FBXO42: variants seen among roughly 807,000 people sequenced by gnomAD.
FBXO42 encodes the protein F-box only protein 42.
A neutral mutation model predicts 71.7 loss-of-function variants in FBXO42; 12 were observed. The ratio of observed to expected loss-of-function variants is 0.17; its 90% CI spans 0.11 to 0.27. FBXO42 has a LOEUF of 0.27. Ranked by LOEUF, FBXO42 falls within the 10% of genes least tolerant of loss-of-function variation. The probability of loss-of-function intolerance (pLI) is 1.00; values close to 1 mark genes in which losing one functional copy is unlikely to be tolerated. For synonymous variants in FBXO42, 325 were observed against 327.5 expected, an observed-to-expected ratio of 0.99 and a Z score of 0.08; for missense variants, 707 against 911.9, an observed-to-expected ratio of 0.78 and a Z score of 2.89.
At chr1:16,253,558 G>T in intron 7 of FBXO42, 77 bp downstream of exon 7, 1 of 1,336,782 alleles carries the variant, frequency 7.5e-7, no homozygotes, top group Non-Finnish European at 1.1e-6. Flanking sequence ...CATCTTACCT[G>T]ACTCCCTCCT....
In FBXO42 at chr1:16,282,235, C is replaced by CT. The variant is rs887782366; in HGVS notation, c.502+12547dup. The stretch of plus-strand genomic sequence containing the variant: ...GAGACATTTTCTTTTTTTTTTTTTT[C>CT]TTTTTTTTGAGACAGAGTCTCACTC... On this transcript the variant is annotated intron_variant, in intron 4 of 9. Transcript: ENST00000375592. Among the ~76,000 whole-genome samples, 14 of 105,766 alleles carry CT rather than the reference C, an allele frequency of 1.3e-4. No homozygotes were observed. In the South Asian group the frequency reaches 2.2e-3, roughly 17 times the overall value. The allele number at this position is 105,766 out of a possible 152,430, so 69.4% of individuals were successfully genotyped here. A position where few individuals can be genotyped will look rare whatever the true frequency, so the allele number is the denominator to read the frequency against.
At chr1:16,264,704 A>G (rs1458753038) in intron 4 of FBXO42, among the ~76,000 whole-genome samples, 7 of 152,338 alleles carry the variant, frequency 4.6e-5, no homozygotes, top group Non-Finnish European at 8.8e-5. Context: ...GATATGATCA[A>G]TGGAACAAAT....
chr1:16,348,100 A>C lies in FBXO42; in HGVS notation c.-18+4155T>G, dbSNP rs187949276. Among the ~76,000 whole-genome samples, 214 of 152,308 alleles carry C rather than the reference A, an allele frequency of 1.4e-3. 1 individual carries two copies. Among genetic ancestry groups the C allele is most frequent in the African/African-American group, 5.0e-3 (207 of 41,576 alleles). On this transcript the variant is annotated intron_variant, in intron 1 of 9. Coordinates refer to ENST00000375592, the MANE Select transcript of FBXO42 (RefSeq NM_018994.3). ...TTTTTAAATGACTTGTCTGTAAGTC[A>C]TATCCTTGTACATGTAGCAAGCTGT...
At chr1:16,350,885 A>C (rs1428086056) in intron 1 of FBXO42, among the ~76,000 whole-genome samples, 2 of 152,196 alleles carry the variant, frequency 1.3e-5, no homozygotes, top group African/African-American at 4.8e-5. Flanking sequence ...ATGTAGATTG[A>C]ATCATCTATT....
chr1:16,252,407 G>A lies in FBXO42; in HGVS notation c.922-3C>T, dbSNP rs370845560. ...AACAACCAAGCATCCTTGAATAGCT[G>A]TAAGAGAAAAAACCAATAACAAGAC... is the stretch of plus-strand genomic sequence containing the variant. On this transcript the variant is annotated splice_polypyrimidine_tract_variant and splice_region_variant and intron_variant, in intron 8 of 9. Transcript: ENST00000375592. This position sits in a 1 kb window ranked among gnomAD's most constrained non-coding sequence, Gnocchi z 4.4. 9 of 1,611,124 alleles carry A rather than the reference G, an allele frequency of 5.6e-6. No individual in the cohort carries two copies. The highest frequency in any genetic ancestry group is 2.7e-5 in the African/African-American group (2 of 74,852).
rs1465907380 is a variant in FBXO42 at position 16,248,189 on chromosome 1, C to A, written c.*2481G>T. ...CTTGGCCGAGACACGTGAAGTCCCACCGCACAGGTGGCTTCAGGAGGCCTG... is the reference window on the plus strand; with the variant it reads ...CTTGGCCGAGACACGTGAAGTCCCAACGCACAGGTGGCTTCAGGAGGCCTG... On this transcript the variant is annotated 3_prime_UTR_variant, in exon 10 of 10. Transcript: ENST00000375592. 3 of 152,196 alleles carry A rather than the reference C, an allele frequency of 2.0e-5. No individual in the cohort carries two copies. Among genetic ancestry groups the A allele is most frequent in the Non-Finnish European group, 4.4e-5 (3 of 68,046 alleles). 9.4% of individuals were successfully genotyped at this position (152,196 alleles called of 1,614,324 possible). A position where few individuals can be genotyped will look rare whatever the true frequency, so the allele number is the denominator to read the frequency against.
At chr1:16,335,067 A>C (rs1442906967) in intron 1 of FBXO42, among the ~76,000 whole-genome samples, 1 of 109,162 alleles carries the variant, frequency 9.2e-6, no homozygotes, top group Non-Finnish European at 2.2e-5. Context: ...TCTGTACAAA[A>C]AAAAAAAAAA....
In FBXO42 at chr1:16,250,481, A is replaced by G. The variant is rs2081579891; in HGVS notation, c.*189T>C. 5.8e-6 allele frequency: 1 copy of G among 172,978 alleles called. No homozygotes were observed. Among genetic ancestry groups the G allele is most frequent in the Non-Finnish European group, 1.2e-5 (1 of 82,882 alleles). The allele number at this position is 172,978 out of a possible 1,614,324, so 10.7% of individuals were successfully genotyped here. A position where few individuals can be genotyped will look rare whatever the true frequency, so the allele number is the denominator to read the frequency against. On this transcript the variant is annotated 3_prime_UTR_variant, in exon 10 of 10. Coordinates refer to ENST00000375592, the MANE Select transcript of FBXO42 (RefSeq NM_018994.3). This position sits in a 1 kb window ranked among gnomAD's most constrained non-coding sequence, Gnocchi z 4.7. ...CAACAGAGTTGGCTATATAATATAT[A>G]TATATATATTTATATATAATTTTTT...
intron 4 of FBXO42, among the ~76,000 whole-genome samples, chr1:16,268,109 T>G (rs1440461581): frequency 6.7e-6 from 1 of 148,172 alleles, no homozygotes. Context: ...ATTTGTTAAT[T>G]GCAGTTCTAA....
At position 16,277,710 on chromosome 1, in the gene FBXO42, C is replaced by T. The variant is rs1219818868; in HGVS notation, c.502+17073G>A. 4.2e-5 allele frequency among the ~76,000 whole-genome samples: 6 copies of T among 143,952 alleles called. No homozygotes were observed. The East Asian group carries it at 5.9e-4, about 14-fold the overall frequency. The allele number at this position is 143,952 out of a possible 152,430, so 94.4% of individuals were successfully genotyped here. On this transcript the variant is annotated intron_variant, in intron 4 of 9. Transcript: ENST00000375592. ...CTGCACTCCAGGCCGGGTGACAGAGCGAGATTCTGTCTCAAAAAAAAAAAA... is the reference window on the plus strand; with the variant it reads ...CTGCACTCCAGGCCGGGTGACAGAGTGAGATTCTGTCTCAAAAAAAAAAAA...
chr1:16,351,342 A>G (rs142663265), intron 1 of FBXO42, among the ~76,000 whole-genome samples: 2 of 152,316 alleles, frequency 1.3e-5, no homozygotes, highest in African/African-American at 4.8e-5. Flanking sequence ...AAAAAGGAAC[A>G]ACATAGTTTC....
chr1:16,304,497 CATGTATT>C lies in FBXO42; in HGVS notation c.367+1299_367+1305del, dbSNP rs1260240514. ...CCATTTAAATTTTGTGTTTGCTGAA[CATGTATT>C]ATGTTAAATAGCCATTATATGACCT... On this transcript the variant is annotated intron_variant, in intron 3 of 9. Coordinates refer to ENST00000375592, the MANE Select transcript of FBXO42 (RefSeq NM_018994.3). Among the ~76,000 whole-genome samples, 6 of 152,104 alleles carry C rather than the reference CATGTATT, an allele frequency of 3.9e-5. No individual in the cohort carries two copies. The East Asian group carries it at 1.2e-3, about 29-fold the overall frequency.
chr1:16,268,260 T>C (rs2081800249), intron 4 of FBXO42, among the ~76,000 whole-genome samples: 1 of 152,314 alleles, frequency 6.6e-6, no homozygotes, highest in South Asian at 2.1e-4. Flanking sequence ...AACTGAAATA[T>C]GGTAAAATCT....
intron 4 of FBXO42, among the ~76,000 whole-genome samples, chr1:16,277,196 T>C (rs1465660325): frequency 6.6e-6 from 1 of 152,214 alleles, no homozygotes; most frequent in East Asian, 1.9e-4. Context: ...GTGTGTCCTC[T>C]TGTTATACTG....
chr1:16,273,073 G>A (rs2081862700), intron 4 of FBXO42, among the ~76,000 whole-genome samples: 1 of 152,138 alleles, frequency 6.6e-6, no homozygotes, highest in Non-Finnish European at 1.5e-5. Context: ...TCAGTTCCCA[G>A]AAACCCTCTC....
chr1:16,328,793 G>C (rs1232150271), intron 1 of FBXO42, among the ~76,000 whole-genome samples: 3 of 152,130 alleles, frequency 2.0e-5, no homozygotes, highest in Non-Finnish European at 4.4e-5. Flanking sequence ...TAGGAGGACA[G>C]GAAATATATA....
At chr1:16,288,684 G>A (rs772639202) in intron 4 of FBXO42, among the ~76,000 whole-genome samples, 2 of 151,964 alleles carry the variant, frequency 1.3e-5, no homozygotes, top group South Asian at 2.1e-4. Context: ...TTGGCCGGGC[G>A]CAGTGGCTCA....
chr1:16,290,284 A>G (rs1467171037), intron 4 of FBXO42, among the ~76,000 whole-genome samples: 2 of 152,220 alleles, frequency 1.3e-5, no homozygotes, highest in Non-Finnish European at 2.9e-5. Context: ...CACCAAATCC[A>G]TATGGTGAAG....
intron 4 of FBXO42, among the ~76,000 whole-genome samples, chr1:16,275,590 C>T (rs2081891501): frequency 6.6e-6 from 1 of 152,004 alleles, no homozygotes; most frequent in Non-Finnish European, 1.5e-5. Context: ...CTGTATTCCA[C>T]TCAGGGACAA....
Sources: gnomAD v4.1 joint callset for allele counts (sites outside exome capture counted in the v4.1 genomes callset) on GRCh38, gnomAD v4.1.1 for gene constraint, Gnocchi (gnomAD v3.1) non-coding constraint, MANE v1.5 for transcripts, NCBI Gene and HGNC (gene_info 2026-07-23, HGNC 2026-07-21) for gene names.